EPC1: variants seen among roughly 807,000 people sequenced by gnomAD.
The protein encoded by EPC1 is enhancer of polycomb 1.
In EPC1, 12 loss-of-function variants were observed where a neutral mutation model predicts 98.4. The observed-to-expected ratio is 0.12, with a 90% confidence interval of 0.08 to 0.20. EPC1 has a LOEUF of 0.20. Ranked by LOEUF, EPC1 falls within the 10% of genes least tolerant of loss-of-function variation. The probability of loss-of-function intolerance (pLI) is 1.00; values close to 1 mark genes in which losing one functional copy is unlikely to be tolerated. For missense variants in EPC1, 729 were observed against 990.5 expected, an observed-to-expected ratio of 0.74 and a Z score of 3.54; for synonymous variants, 357 against 363.9, an observed-to-expected ratio of 0.98 and a Z score of 0.21.
chr10:32,321,200 C>T (rs1836890821), intron 1 of EPC1, among the ~76,000 whole-genome samples: 1 of 152,144 alleles, frequency 6.6e-6, no homozygotes, highest in Non-Finnish European at 1.5e-5. Flanking sequence ...AACATAGCCA[C>T]ACTCATTGGT....
chr10:32,272,166 C>T lies in EPC1; in HGVS notation c.1865G>A (p.Gly622Asp). Residue 622 changes from glycine to aspartate, a missense_variant and splice_region_variant, in exon 12 of 14, where the codon GGT becomes GAT. Coordinates refer to ENST00000319778, the MANE Select transcript of EPC1 (RefSeq NM_001272004.3). Reference sequence around the variant, plus strand: ...AGAATCCAAAGTCTTAGAAACAAAACCCTAAAAAGAAAATACAAAAGAAAT... The same window carrying T: ...AGAATCCAAAGTCTTAGAAACAAAATCCTAAAAAGAAAATACAAAAGAAAT... Reference protein sequence around the residue: ...NSNSSTNTSQGFVSKTLDSAS... With the variant: ...NSNSSTNTSQDFVSKTLDSAS... The T allele has an allele frequency of 1.2e-6, 2 of 1,601,140 alleles. No individual in the cohort carries two copies. The highest frequency in any genetic ancestry group is 1.7e-6 in the Non-Finnish European group (2 of 1,176,440).
At chr10:32,346,611 G>C (rs553436422) in intron 1 of EPC1, 152 bp downstream of exon 1, 65 of 760,894 alleles carry the variant, frequency 8.5e-5, no homozygotes, top group East Asian at 6.6e-4. Context: ...GTCGAGGCTG[G>C]GGGAGGCGGG....
chr10:32,319,939 A>G (rs545859201), intron 1 of EPC1, among the ~76,000 whole-genome samples: 1 of 152,302 alleles, frequency 6.6e-6, no homozygotes, highest in African/African-American at 2.4e-5. Context: ...TTGGCCTCCC[A>G]AAGTGCTGGG....
chr10:32,349,879 T>C (rs550065326), upstream of EPC1, among the ~76,000 whole-genome samples: 23 of 152,310 alleles, frequency 1.5e-4, no homozygotes, highest in African/African-American at 5.3e-4. Flanking sequence ...GGATTACAGG[T>C]GTGAGCCACT....
chr10:32,277,567 A>T (rs1469242753), intron 10 of EPC1, among the ~76,000 whole-genome samples: 3 of 150,314 alleles, frequency 2.0e-5, no homozygotes, highest in Admixed American at 6.7e-5. Context: ...TTGGGCAGAA[A>T]TTTTTTTTTT....
chr10:32,354,924 C>T (rs953866418), intron 1 of EPC1, among the ~76,000 whole-genome samples: 1 of 152,142 alleles, frequency 6.6e-6, no homozygotes, highest in Non-Finnish European at 1.5e-5. Flanking sequence ...CATCACTGTC[C>T]CCACATAGGA....
chr10:32,365,362 CTG>C lies in EPC1; in HGVS notation c.3+13127_3+13128del, dbSNP rs199559745. ...TAGTAATAAAAGATCTGCAATTAGT[CTG>C]ATAGTTTCACTAGAAAGTGAGGAGA... On this transcript the variant is annotated intron_variant, in intron 1 of 13. Transcript: ENST00000375110. Among the ~76,000 whole-genome samples the C allele has an allele frequency of 9.2e-3, 1,403 of 152,138 alleles. 17 individuals are homozygous for C. The highest frequency in any genetic ancestry group is 0.032 in the African/African-American group (1,340 of 41,480).
intron 10 of EPC1, chr10:32,274,015 T>A (rs1360524122): frequency 1.3e-5 from 2 of 152,064 alleles, no homozygotes; most frequent in Admixed American, 6.6e-5. Context: ...ATGCTACTTA[T>A]GTTTGTCTAT....
At chr10:32,296,491 T>C (rs1465637569) in intron 2 of EPC1, among the ~76,000 whole-genome samples, 1 of 152,240 alleles carries the variant, frequency 6.6e-6, no homozygotes, top group Non-Finnish European at 1.5e-5. Context: ...CTGAAAAGGA[T>C]GATTTCTATC....
chr10:32,315,006 T>C (rs181087787), intron 1 of EPC1, among the ~76,000 whole-genome samples: 179 of 152,382 alleles, frequency 1.2e-3, no homozygotes, highest in Non-Finnish European at 1.0e-3. Flanking sequence ...ACTTAGGGCA[T>C]TGTGCTATCA....
At chr10:32,336,875 T>G (rs555917751) in intron 1 of EPC1, among the ~76,000 whole-genome samples, 2 of 152,368 alleles carry the variant, frequency 1.3e-5, no homozygotes, top group African/African-American at 4.8e-5. Flanking sequence ...TATTTCATAC[T>G]TTTCAAATGA....
At chr10:32,297,922 C>T (rs924644972) in intron 2 of EPC1, among the ~76,000 whole-genome samples, 3 of 152,104 alleles carry the variant, frequency 2.0e-5, no homozygotes, top group South Asian at 2.1e-4. Context: ...CTCGGCCTCC[C>T]GAGTAGCTGG....
intron 1 of EPC1, among the ~76,000 whole-genome samples, chr10:32,327,994 T>A (rs1249848747): frequency 1.3e-5 from 2 of 152,148 alleles, no homozygotes; most frequent in East Asian, 3.9e-4. Context: ...AAGAAACAAA[T>A]TTTAAAATTG....
intron 1 of EPC1, among the ~76,000 whole-genome samples, chr10:32,336,271 T>C (rs1420226479): frequency 6.8e-6 from 1 of 147,198 alleles, no homozygotes; most frequent in Non-Finnish European, 1.5e-5. Flanking sequence ...GGTTTCACCA[T>C]GTTGGCCAGG....
intron 9 of EPC1, 83 bp from the exon 10 acceptor site, chr10:32,285,133 A>C: frequency 8.8e-7 from 1 of 1,131,762 alleles, no homozygotes; most frequent in Non-Finnish European, 1.2e-6. Flanking sequence ...TTTACCCCCA[A>C]CTGCCAAAAG....
upstream of EPC1, among the ~76,000 whole-genome samples, chr10:32,348,432 A>G (rs1592630011): frequency 6.6e-6 from 1 of 152,326 alleles, no homozygotes; most frequent in East Asian, 1.9e-4. Context: ...CCTGGGAACT[A>G]CGTAGTAAAA....
chr10:32,291,999 C>T (rs565091895), intron 5 of EPC1: 1 of 152,268 alleles, frequency 6.6e-6, no homozygotes, highest in African/African-American at 2.4e-5. Context: ...GGCTTTAAAA[C>T]TAATTTTTCT....
At chr10:32,339,509 C>A (rs1838195452) in intron 1 of EPC1, among the ~76,000 whole-genome samples, 6 of 152,152 alleles carry the variant, frequency 3.9e-5, no homozygotes, top group Admixed American at 3.9e-4. Context: ...CATGCCACTG[C>A]ACTCCAGCCT....
chr10:32,318,986 G>C (rs1836722026), intron 1 of EPC1, among the ~76,000 whole-genome samples: 1 of 152,044 alleles, frequency 6.6e-6, no homozygotes, highest in Non-Finnish European at 1.5e-5. Flanking sequence ...TTCAACACCT[G>C]ACCACTTTCT....
Sources: gnomAD v4.1 joint callset for allele counts (sites outside exome capture counted in the v4.1 genomes callset) on GRCh38, gnomAD v4.1.1 for gene constraint, MANE v1.5 for transcripts, NCBI Gene and HGNC (gene_info 2026-07-23, HGNC 2026-07-21) for gene names.